CACNA2D3: variants seen among roughly 807,000 people sequenced by gnomAD.
The protein encoded by CACNA2D3 is calcium voltage-gated channel auxiliary subunit alpha2delta 3.
A neutral mutation model predicts 160.6 loss-of-function variants in CACNA2D3; 60 were observed. The ratio of observed to expected loss-of-function variants is 0.37; its 90% confidence interval spans 0.30 to 0.46. The LOEUF is 0.46. CACNA2D3 is among the 20% of genes least tolerant of loss of function. The probability of loss-of-function intolerance (pLI) is 1.00; values close to 1 mark genes in which losing one functional copy is unlikely to be tolerated. For missense variants in CACNA2D3, 1,205 were observed against 1,365.0 expected (o/e 0.88, Z 1.85); for synonymous variants, 558 against 492.9 (o/e 1.13, Z -1.75).
chr3:54,888,719 A>G (rs1410105855), intron 24 of CACNA2D3, among the ~76,000 whole-genome samples: 1 of 146,718 alleles, frequency 6.8e-6, no homozygotes, highest in Non-Finnish European at 1.5e-5. Flanking sequence ...CTTCCCTTCT[A>G]TCCTGTTTCT....
chr3:54,464,587 G>C (rs966958968), intron 4 of CACNA2D3, among the ~76,000 whole-genome samples: 2 of 152,224 alleles, frequency 1.3e-5, no homozygotes, highest in African/African-American at 2.4e-5. Context: ...CCAAGTGCGG[G>C]ATATAATCTC....
intron 35 of CACNA2D3, among the ~76,000 whole-genome samples, chr3:55,034,028 A>G (rs889164592): frequency 9.3e-5 from 14 of 150,910 alleles, no homozygotes; most frequent in Non-Finnish European, 1.0e-4. Context: ...GCAGAAAGGA[A>G]TATCTTTGTA....
At chr3:54,758,065 C>T (rs1341664461) in intron 12 of CACNA2D3, among the ~76,000 whole-genome samples, 2 of 152,192 alleles carry the variant, frequency 1.3e-5, no homozygotes, top group Admixed American at 1.3e-4. Flanking sequence ...GGATTTATGC[C>T]CAGCCTGTAT....
intron 4 of CACNA2D3, among the ~76,000 whole-genome samples, chr3:54,489,447 C>T (rs894772864): frequency 6.6e-6 from 1 of 152,160 alleles, no homozygotes; most frequent in Non-Finnish European, 1.5e-5. Context: ...TGCTGGTGTT[C>T]GGCACTTTTT....
chr3:55,016,409 C>T (rs1451136748), intron 34 of CACNA2D3, among the ~76,000 whole-genome samples: 1 of 152,180 alleles, frequency 6.6e-6, no homozygotes, highest in Non-Finnish European at 1.5e-5. Context: ...CAGACGAGGA[C>T]ACTAAGATGT....
intron 13 of CACNA2D3, among the ~76,000 whole-genome samples, chr3:54,790,873 G>C (rs1188570813): frequency 6.6e-6 from 1 of 152,136 alleles, no homozygotes; most frequent in African/African-American, 2.4e-5. Context: ...GGCAGTGTCA[G>C]TCAAGGTGAA....
intron 9 of CACNA2D3, among the ~76,000 whole-genome samples, chr3:54,611,782 T>C (rs1863857): frequency 0.013 from 1,970 of 152,106 alleles, 33 homozygotes; most frequent in African/African-American, 0.044. Context: ...TGGCAGGATG[T>C]GGAGAGAGAA....
intron 11 of CACNA2D3, among the ~76,000 whole-genome samples, chr3:54,651,090 C>T (rs539928429): frequency 6.6e-6 from 1 of 152,300 alleles, no homozygotes; most frequent in Non-Finnish European, 1.5e-5. Flanking sequence ...AACCAGGATG[C>T]AGACATCTTG....
intron 29 of CACNA2D3, 25 bp from the exon 30 acceptor site, chr3:54,984,583 T>C: frequency 7.0e-7 from 1 of 1,428,102 alleles, no homozygotes; most frequent in African/African-American, 1.5e-5. Flanking sequence ...GTTTTTTTGT[T>C]TTTGTTTTTT....
intron 2 of CACNA2D3, among the ~76,000 whole-genome samples, chr3:54,129,339 C>T (rs1012369725): frequency 6.6e-6 from 1 of 152,162 alleles, no homozygotes; most frequent in East Asian, 1.9e-4. Context: ...GAAAATAGTC[C>T]AGTTCATTTC....
At chr3:54,851,146 T>G (rs9849795) in intron 17 of CACNA2D3, among the ~76,000 whole-genome samples, 45,104 of 152,126 alleles carry the variant, frequency 0.3, 7,711 homozygotes, top group Non-Finnish European at 0.4. Context: ...ACTGATTCCT[T>G]TTTATGGGAC....
At chr3:54,798,799 T>G (rs1702922822) in intron 13 of CACNA2D3, among the ~76,000 whole-genome samples, 1 of 152,030 alleles carries the variant, frequency 6.6e-6, no homozygotes. Flanking sequence ...ACACAAGAGT[T>G]TTTCACTTAA....
chr3:54,637,022 A>G (rs1699389160), intron 10 of CACNA2D3, among the ~76,000 whole-genome samples: 1 of 151,940 alleles, frequency 6.6e-6, no homozygotes, highest in Non-Finnish European at 1.5e-5. Flanking sequence ...TGAGGATAGG[A>G]GAGTATACGG....
intron 35 of CACNA2D3, among the ~76,000 whole-genome samples, chr3:55,056,211 A>G (rs186830348): frequency 2.0e-4 from 31 of 152,340 alleles, no homozygotes; most frequent in African/African-American, 7.5e-4. Flanking sequence ...AACATGTTCA[A>G]TATTAGTAAT....
At chr3:54,342,643 A>G (rs532807256) in intron 3 of CACNA2D3, among the ~76,000 whole-genome samples, 1 of 152,352 alleles carries the variant, frequency 6.6e-6, no homozygotes, top group East Asian at 1.9e-4. Flanking sequence ...CAAATCATTG[A>G]TAAGAACGGC....
intron 2 of CACNA2D3, among the ~76,000 whole-genome samples, chr3:54,305,947 C>T (rs969353092): frequency 3.9e-5 from 6 of 152,090 alleles, no homozygotes; most frequent in African/African-American, 1.4e-4. Flanking sequence ...TGGACACTGA[C>T]GATAATGACT....
At chr3:54,389,657 A>G (rs763538449) in intron 4 of CACNA2D3, among the ~76,000 whole-genome samples, 9 of 152,214 alleles carry the variant, frequency 5.9e-5, no homozygotes, top group Non-Finnish European at 1.0e-4. Context: ...TTCTTGCCCA[A>G]AATGTGTAGC....
chr3:55,022,076 C>A (rs1703467833), intron 35 of CACNA2D3, among the ~76,000 whole-genome samples: 1 of 152,060 alleles, frequency 6.6e-6, no homozygotes, highest in Non-Finnish European at 1.5e-5. Flanking sequence ...GTTAATCTCT[C>A]ACCAGGCTTA....
At chr3:54,287,371 G>T (rs989116776) in intron 2 of CACNA2D3, among the ~76,000 whole-genome samples, 10 of 151,936 alleles carry the variant, frequency 6.6e-5, no homozygotes, top group African/African-American at 2.2e-4. Context: ...AACAAGAAGA[G>T]CTAACTATCC....
Sources: gnomAD v4.1 joint callset for allele counts (sites outside exome capture counted in the v4.1 genomes callset) on GRCh38, gnomAD v4.1.1 for gene constraint, MANE v1.5 for transcripts, NCBI Gene and HGNC (gene_info 2026-07-23, HGNC 2026-07-21) for gene names.